The following LMO7 variants were observed in gnomAD, a reference collection of about 807,000 sequenced individuals.
LMO7 encodes the protein LIM domain only protein 7.
In LMO7, 120 loss-of-function variants were observed where a neutral mutation model predicts 206.5. The observed-to-expected ratio is 0.58, with a 90% CI of 0.50 to 0.68. The LOEUF (loss-of-function observed/expected upper bound fraction) is 0.68. Among genes scored for constraint, LMO7 ranks in the 30% least tolerant of loss-of-function variants. The probability of loss-of-function intolerance (pLI) is 0.00; values close to 1 mark genes in which losing one functional copy is unlikely to be tolerated. For synonymous variants in LMO7, 706 were observed against 681.5 expected, an observed-to-expected ratio of 1.04 and a Z score of -0.56; for missense variants, 1,959 against 1,957.9, an observed-to-expected ratio of 1.00 and a Z score of -0.01.
At chr13:75,775,748 A>G (rs2050291474) in intron 4 of LMO7, among the ~76,000 whole-genome samples, 1 of 152,048 alleles carries the variant, frequency 6.6e-6, no homozygotes, top group South Asian at 2.1e-4. Flanking sequence ...TAAAACCACA[A>G]TGAGATACCT....
At chr13:75,818,821 A>G (rs566402047) in intron 12 of LMO7, among the ~76,000 whole-genome samples, 46 of 152,184 alleles carry the variant, frequency 3.0e-4, no homozygotes, top group African/African-American at 1.0e-3. Flanking sequence ...CACACTTGTT[A>G]CTGAACTTTT....
intron 11 of LMO7, among the ~76,000 whole-genome samples, chr13:75,816,430 T>C (rs916576063): frequency 9.2e-5 from 14 of 152,358 alleles, no homozygotes; most frequent in African/African-American, 3.4e-4. Context: ...TTTATGTGCA[T>C]GTAGAGAGCA....
intron 1 of LMO7, among the ~76,000 whole-genome samples, chr13:75,697,103 C>A (rs768844262): frequency 6.6e-6 from 1 of 152,112 alleles, no homozygotes; most frequent in Non-Finnish European, 1.5e-5. Flanking sequence ...CCATGAATGC[C>A]AATACACATT....
chr13:75,704,653 TCGCA>T (rs2042523315), intron 1 of LMO7, among the ~76,000 whole-genome samples: 1 of 152,220 alleles, frequency 6.6e-6, no homozygotes, highest in Non-Finnish European at 1.5e-5. Flanking sequence ...GCCTGCTGAC[TCGCA>T]TTAGTGGGCA....
At chr13:75,820,402 T>A (rs2057454998) in intron 13 of LMO7, among the ~76,000 whole-genome samples, 1 of 152,240 alleles carries the variant, frequency 6.6e-6, no homozygotes, top group East Asian at 1.9e-4. Context: ...GAGTCTTTTG[T>A]AATCTTTTAT....
At position 75,787,718 on chromosome 13, in the gene LMO7, G is replaced by A. The variant is rs140295696; in HGVS notation, c.318-7683G>A. On this transcript the variant is annotated intron_variant, in intron 4 of 30. Transcript: ENST00000377534. ...TGATTATGGCATGTTTGTAGCAATG[G>A]CAGATTAAAACCAATGAGTCACACG... 5.3e-5 allele frequency among the ~76,000 whole-genome samples: 8 copies of A among 152,248 alleles called. No individual in the cohort carries two copies. In the East Asian group the frequency reaches 1.5e-3, roughly 29 times the overall value.
At chr13:75,720,765 C>T (rs1192324164) in intron 2 of LMO7, among the ~76,000 whole-genome samples, 1 of 152,184 alleles carries the variant, frequency 6.6e-6, no homozygotes, top group Admixed American at 6.5e-5. Context: ...CTGTTGCACA[C>T]ACTTTCCCAT....
At chr13:75,675,201 C>T (rs1019512099) in intron 1 of LMO7, among the ~76,000 whole-genome samples, 1 of 151,846 alleles carries the variant, frequency 6.6e-6, no homozygotes, top group Non-Finnish European at 1.5e-5. Context: ...CTCAGCCTCC[C>T]GAGTAGGCAT....
At chr13:75,786,520 A>G (rs932588879) in intron 4 of LMO7, among the ~76,000 whole-genome samples, 16 of 151,674 alleles carry the variant, frequency 1.1e-4, no homozygotes, top group Non-Finnish European at 2.1e-4. Context: ...GACTACAGGC[A>G]CCAGCCACCA....
intron 1 of LMO7, among the ~76,000 whole-genome samples, chr13:75,681,262 C>T (rs575971946): frequency 2.2e-4 from 33 of 152,158 alleles, no homozygotes; most frequent in African/African-American, 7.5e-4. Context: ...ATGGTATTGC[C>T]TAGATTTTCT....
intron 1 of LMO7, among the ~76,000 whole-genome samples, chr13:75,654,696 T>G (rs2037880804): frequency 6.6e-6 from 1 of 152,190 alleles, no homozygotes; most frequent in African/African-American, 2.4e-5. Flanking sequence ...TTTGTGATTT[T>G]CCTTACTTAA....
intron 22 of LMO7, among the ~76,000 whole-genome samples, chr13:75,840,835 G>T (rs1197868898): frequency 6.6e-6 from 1 of 152,152 alleles, no homozygotes; most frequent in Non-Finnish European, 1.5e-5. Flanking sequence ...CCCGCTTACA[G>T]TTTGCTAGAG....
chr13:75,841,960 A>G lies in LMO7; in HGVS notation c.4008A>G (p.Ser1336=), dbSNP rs148343245. The stretch of plus-strand genomic sequence containing the variant: ...AGGCAGAGATAGAGCGGGAAACATC[A>G]GTCAGAATATACCAGTACAGGAGGT... ...KRQAEIERET[S]VRIYQYRRPV... is the part of the protein sequence containing the mutation. The change falls in exon 24 of 31, where the codon TCA becomes TCG. Residue 1336 remains serine, a synonymous_variant. Transcript: ENST00000377534. 6.2e-6 allele frequency: 10 copies of G among 1,611,964 alleles called. No individual in the cohort carries two copies. The highest frequency in any genetic ancestry group is 2.1e-4 in the Middle Eastern group (1 of 4,788).
chr13:75,662,802 T>G (rs1041065697), intron 1 of LMO7, among the ~76,000 whole-genome samples: 1 of 152,206 alleles, frequency 6.6e-6, no homozygotes, highest in Non-Finnish European at 1.5e-5. Flanking sequence ...GAGGAGATAA[T>G]GATTAACTGT....
chr13:75,789,559 A>G (rs750215414), intron 4 of LMO7, among the ~76,000 whole-genome samples: 1 of 152,158 alleles, frequency 6.6e-6, no homozygotes, highest in Non-Finnish European at 1.5e-5. Flanking sequence ...TTGATAGCTC[A>G]TATATGAACA....
chr13:75,815,364 G>C (rs1010796152), intron 11 of LMO7, among the ~76,000 whole-genome samples: 2 of 152,154 alleles, frequency 1.3e-5, no homozygotes, highest in African/African-American at 4.8e-5. Context: ...TTTACTGACG[G>C]GACCAGTTAT....
intron 3 of LMO7, among the ~76,000 whole-genome samples, chr13:75,730,469 G>T (rs1284672374): frequency 1.3e-5 from 2 of 152,126 alleles, no homozygotes; most frequent in South Asian, 2.1e-4. Flanking sequence ...GGGATCAGTG[G>T]TGATATCCCC....
rs528797617 is a variant in LMO7, at chr13:75,674,718, T to C, written c.69+37992T>C. 6.6e-5 allele frequency among the ~76,000 whole-genome samples: 10 copies of C among 152,334 alleles called. No individual in the cohort carries two copies. The South Asian group carries it at 1.9e-3, about 28-fold the overall frequency. On this transcript the variant is annotated intron_variant, in intron 1 of 30. Transcript: ENST00000377534. The stretch of plus-strand genomic sequence containing the variant: ...CAAATAGGACTTGAGAGTTTGGGAA[T>C]ACACAAAATTACAGTGGAATACAAT...
At chr13:75,840,162 A>G (rs1463799110) in intron 21 of LMO7, 52 bp downstream of exon 21, 1 of 1,534,146 alleles carries the variant, frequency 6.5e-7, no homozygotes, top group African/African-American at 1.4e-5. Context: ...GTGGGACTGA[A>G]TTAGTACACC....
Sources: gnomAD v4.1 joint callset for allele counts (sites outside exome capture counted in the v4.1 genomes callset) on GRCh38, gnomAD v4.1.1 for gene constraint, MANE v1.5 for transcripts, NCBI Gene and HGNC (gene_info 2026-07-23, HGNC 2026-07-21) for gene names.